DCHS2: variants seen among roughly 807,000 people sequenced by gnomAD.
The protein encoded by DCHS2 is protocadherin-23.
A neutral mutation model predicts 182.4 loss-of-function variants in DCHS2; 142 were observed. The observed-to-expected ratio is 0.78, with a 90% CI of 0.68 to 0.89. The LOEUF (loss-of-function observed/expected upper bound fraction) is 0.89, where lower values mean the gene tolerates loss of function less well. Among genes scored for constraint, DCHS2 ranks in the 40% least tolerant of loss-of-function variants. The pLI is 0.00. For synonymous variants in DCHS2, 1,740 were observed against 1,663.3 expected, an observed-to-expected ratio of 1.05 and a Z score of -1.12; for missense variants, 4,319 against 4,198.6, an observed-to-expected ratio of 1.03 and a Z score of -0.79.
intron 5 of DCHS2, among the ~76,000 whole-genome samples, chr4:154,331,893 T>A (rs1053472660): frequency 6.6e-6 from 1 of 152,212 alleles, no homozygotes; most frequent in Non-Finnish European, 1.5e-5. Flanking sequence ...TATAGTGACT[T>A]TTAATCTTTA....
At chr4:154,326,084 C>T (rs2111347946) in intron 7 of DCHS2, among the ~76,000 whole-genome samples, 1 of 152,330 alleles carries the variant, frequency 6.6e-6, no homozygotes, top group South Asian at 2.1e-4. Context: ...TCTCACTCTG[C>T]ACATATAGAG....
intron 13 of DCHS2, among the ~76,000 whole-genome samples, chr4:154,284,147 T>C (rs1266906496): frequency 2.0e-5 from 3 of 152,204 alleles, no homozygotes. Flanking sequence ...CACTACAGTA[T>C]TTCCATAATT....
rs748830644 is a variant in DCHS2 at position 154,259,751 on chromosome 4, G to T, written c.6583C>A (p.Leu2195Ile). 6 of 1,609,380 alleles carry T rather than the reference G, an allele frequency of 3.7e-6. No individual in the cohort carries two copies. Among genetic ancestry groups the T allele is most frequent in the African/African-American group, 1.3e-5 (1 of 74,542 alleles). Residue 2195 changes from leucine to isoleucine, a missense_variant, in exon 15 of 20, where the codon CTC (leucine) becomes ATC (isoleucine). By Grantham distance (5) the Leu-to-Ile change is conservative. Transcript: ENST00000357232. ...AGAAACTTGGGTTCTTTCACAGTGAGTTGTCCTATTTTTATTTCCAAGGAG... is the reference window on the plus strand; with the variant it reads ...AGAAACTTGGGTTCTTTCACAGTGATTTGTCCTATTTTTATTTCCAAGGAG... ...VLSLCSKSGQ[L>I]TVKEPKFLDF... is the part of the protein sequence containing the mutation.
intron 1 of DCHS2, among the ~76,000 whole-genome samples, chr4:154,444,231 A>C (rs1734162369): frequency 6.6e-6 from 1 of 152,160 alleles, no homozygotes; most frequent in Non-Finnish European, 1.5e-5. Flanking sequence ...GAATTTCAGA[A>C]TTGTATATCC....
intron 12 of DCHS2, among the ~76,000 whole-genome samples, chr4:154,303,484 CAAAAAAAAAA>C (rs35984605): frequency 7.1e-5 from 6 of 84,416 alleles, no homozygotes; most frequent in African/African-American, 1.7e-4. Flanking sequence ...GTAAGTGAAG[CAAAAAAAAAA>C]AAAAAAAAAA....
intron 17 of DCHS2, 23 bp from the exon 18 acceptor site, chr4:154,240,846 C>G: frequency 6.2e-7 from 1 of 1,609,472 alleles, no homozygotes; most frequent in Non-Finnish European, 8.5e-7. Flanking sequence ...TGACCAGTGT[C>G]AGTCTCCATT....
At chr4:154,288,734 C>A (rs188978423) in intron 13 of DCHS2, among the ~76,000 whole-genome samples, 2 of 152,114 alleles carry the variant, frequency 1.3e-5, no homozygotes, top group African/African-American at 2.4e-5. Flanking sequence ...TCTTCTCTGA[C>A]TGCAAAGGAA....
At position 154,328,171 on chromosome 4, in the gene DCHS2, T is replaced by C. The variant is rs765358615; in HGVS notation, c.3940A>G (p.Asn1314Asp). The change falls in exon 7 of 20, where the codon AAT becomes GAT. Residue 1314 changes from asparagine to aspartate, a missense_variant. Physicochemically the swap from Asn to Asp is conservative, Grantham distance 23 (BLOSUM62 1). Coordinates refer to ENST00000357232, the MANE Select transcript of DCHS2 (RefSeq NM_001358235.2). The part of the protein sequence containing the change: ...HVKVLEGQPV[N>D]MLVTTVFAKD... The stretch of plus-strand genomic sequence containing the variant: ...GCAAACACAGTTGTAACCAACATAT[T>C]TACTGGTTGACCTTCCAGAACCTGC... 6 of 1,607,842 alleles carry C rather than the reference T, an allele frequency of 3.7e-6. No individual in the cohort carries two copies. The African/African-American group carries it at 8.0e-5, about 22-fold the overall frequency.
At chr4:154,483,795 G>GC in intron 1 of DCHS2, among the ~76,000 whole-genome samples, 1 of 152,166 alleles carries the variant, frequency 6.6e-6, no homozygotes, top group East Asian at 1.9e-4. Context: ...ACAGAGACCT[G>GC]CCCCCCAACA....
intron 2 of DCHS2, among the ~76,000 whole-genome samples, chr4:154,371,680 G>T (rs1442669873): frequency 6.6e-6 from 1 of 152,118 alleles, no homozygotes; most frequent in Non-Finnish European, 1.5e-5. Flanking sequence ...TCAGCTTCTG[G>T]GAAGGCCTCA....
intron 3 of DCHS2, among the ~76,000 whole-genome samples, chr4:154,341,140 G>T (rs1289115295): frequency 1.3e-5 from 2 of 152,002 alleles, no homozygotes; most frequent in Non-Finnish European, 2.9e-5. Flanking sequence ...AGGCCGAGGC[G>T]GGTGGATCAC....
At chr4:154,444,619 T>C (rs1434501955) in intron 1 of DCHS2, among the ~76,000 whole-genome samples, 2 of 152,156 alleles carry the variant, frequency 1.3e-5, no homozygotes, top group African/African-American at 4.8e-5. Context: ...CTTGGAATCA[T>C]GCTGTATCAC....
intron 1 of DCHS2, among the ~76,000 whole-genome samples, chr4:154,409,651 C>G (rs908901782): frequency 1.3e-5 from 2 of 152,118 alleles, no homozygotes; most frequent in Non-Finnish European, 2.9e-5. Context: ...CTCATAAGCT[C>G]CTGAGCACAG....
At chr4:154,479,508 T>C (rs562493839) in intron 1 of DCHS2, among the ~76,000 whole-genome samples, 2 of 152,320 alleles carry the variant, frequency 1.3e-5, no homozygotes, top group East Asian at 3.9e-4. Context: ...GTGGTAACTG[T>C]ACTTCAGAGG....
chr4:154,422,368 A>C (rs1045481988), intron 1 of DCHS2, among the ~76,000 whole-genome samples: 1 of 152,206 alleles, frequency 6.6e-6, no homozygotes. Context: ...ATCAAGACAT[A>C]CTGGTCAGAA....
Position 154,255,641 on chromosome 4 carries a change from C to A in DCHS2, c.6819G>T (p.Leu2273Phe), listed in dbSNP as rs1376296631. Residue 2273 changes from leucine (L) to phenylalanine (F), a missense_variant, in exon 16 of 20, where the codon TTG becomes TTT. Leu to Phe is a conservative substitution (Grantham distance 22). Coordinates refer to ENST00000357232, the MANE Select transcript of DCHS2 (RefSeq NM_001358235.2). The part of the protein sequence containing the change: ...QVFATDLDSG[L>F]NGLIEYSILS... ...GAATAGAATACTCAATCAGGCCGTT[C>A]AAACCACTGTCCAAGTCGGTAGCAA... is the stretch of plus-strand genomic sequence containing the variant. 1 of 1,613,684 alleles carries A rather than the reference C, an allele frequency of 6.2e-7. No homozygotes were observed. Among genetic ancestry groups the A allele is most frequent in the East Asian group, 2.2e-5 (1 of 44,828 alleles).
chr4:154,377,128 G>A (rs1024056622), intron 2 of DCHS2, 125 bp downstream of exon 2: 1 of 895,938 alleles, frequency 1.1e-6, no homozygotes, highest in Non-Finnish European at 1.6e-6. Flanking sequence ...CTTCAGCAAA[G>A]GAAAGAGGTA....
intron 10 of DCHS2, among the ~76,000 whole-genome samples, chr4:154,310,363 T>C (rs575311576): frequency 1.3e-4 from 20 of 152,316 alleles, no homozygotes; most frequent in African/African-American, 4.6e-4. Flanking sequence ...TAGAGCTGTG[T>C]CTCTTGAGAG....
intron 1 of DCHS2, chr4:154,384,322 A>G: frequency 6.3e-7 from 1 of 1,588,110 alleles, no homozygotes; most frequent in Non-Finnish European, 8.5e-7. Flanking sequence ...TTCATCAGAC[A>G]CCATGTTATG....
Sources: gnomAD v4.1 joint callset for allele counts (sites outside exome capture counted in the v4.1 genomes callset) on GRCh38, gnomAD v4.1.1 for gene constraint, MANE v1.5 for transcripts, NCBI Gene and HGNC (gene_info 2026-07-23, HGNC 2026-07-21) for gene names.